The following TSPAN14 variants were observed in gnomAD, a reference collection of about 807,000 sequenced individuals.
TSPAN14 encodes tetraspanin-14.
TSPAN14 carries 16 observed loss-of-function variants against 36.6 expected under a neutral mutation model. The ratio of observed to expected loss-of-function variants is 0.44; its 90% CI spans 0.30 to 0.66. The LOEUF (loss-of-function observed/expected upper bound fraction) is 0.66, where lower values mean the gene tolerates loss of function less well. TSPAN14 is among the 30% of genes least tolerant of loss of function. TSPAN14 has a pLI of 0.12. For synonymous variants in TSPAN14, 139 were observed against 143.8 expected (o/e 0.97, Z 0.24); for missense variants, 231 against 355.1 (o/e 0.65, Z 2.81).
At chr10:80,469,701 A>G (rs1198485567) in intron 1 of TSPAN14, among the ~76,000 whole-genome samples, 3 of 152,078 alleles carry the variant, frequency 2.0e-5, no homozygotes, top group South Asian at 4.1e-4. Flanking sequence ...ACAAGGACAC[A>G]CTTAGTTTTA....
At chr10:80,512,683 TTCTTTCTTTTTC>T (rs1043900822) in intron 6 of TSPAN14, among the ~76,000 whole-genome samples, 11 of 152,168 alleles carry the variant, frequency 7.2e-5, no homozygotes, top group Admixed American at 7.2e-4. Flanking sequence ...GAGAATTATT[TTCTTTCTTTTTC>T]TCTTTCTTTT....
chr10:80,498,564 G>C (rs1848323224), intron 2 of TSPAN14, among the ~76,000 whole-genome samples: 1 of 152,166 alleles, frequency 6.6e-6, no homozygotes. Context: ...GAAAGCACTT[G>C]GTCTTAGGAC....
intron 1 of TSPAN14, among the ~76,000 whole-genome samples, chr10:80,465,934 C>T (rs1846219690): frequency 6.6e-6 from 1 of 152,142 alleles, no homozygotes; most frequent in Non-Finnish European, 1.5e-5. Context: ...TTTTGGGGTA[C>T]AATTTCAGCT....
At chr10:80,475,648 C>T (rs909878725) in intron 1 of TSPAN14, among the ~76,000 whole-genome samples, 9 of 152,128 alleles carry the variant, frequency 5.9e-5, no homozygotes, top group African/African-American at 1.9e-4. Flanking sequence ...AGTGCAGTGG[C>T]GCGATCTTGG....
At chr10:80,516,253 C>T (rs148813770) in exon 8 of TSPAN14, 10 of 1,614,234 alleles carry the variant, frequency 6.2e-6, no homozygotes, top group East Asian at 2.2e-5. Flanking sequence ...TGCATCCAGG[C>T]GCTGGAAAGC....
At chr10:80,510,613 G>A (rs1589299129) in intron 5 of TSPAN14, among the ~76,000 whole-genome samples, 2 of 152,180 alleles carry the variant, frequency 1.3e-5, no homozygotes, top group East Asian at 1.9e-4. Flanking sequence ...GGTGACTCAC[G>A]CCTGTAATCC....
chr10:80,521,013 C>T, exon 9 of TSPAN14: 1 of 355,814 alleles, frequency 2.8e-6, no homozygotes, highest in Non-Finnish European at 5.5e-6. Context: ...CTGCATGGTC[C>T]ACAAGAAGCC....
At chr10:80,472,275 ATTTAAG>A (rs1304335023) in intron 1 of TSPAN14, among the ~76,000 whole-genome samples, 1 of 152,090 alleles carries the variant, frequency 6.6e-6, no homozygotes, top group African/African-American at 2.4e-5. Context: ...ATCTCCCTTA[ATTTAAG>A]TTTGTTTGTT....
chr10:80,460,476 G>A (rs942081283), intron 1 of TSPAN14, among the ~76,000 whole-genome samples: 2 of 152,178 alleles, frequency 1.3e-5, no homozygotes, highest in Admixed American at 6.5e-5. Context: ...AAAGTTTGGT[G>A]AGGGACAGAA....
chr10:80,478,764 G>A (rs1847068858), intron 1 of TSPAN14, among the ~76,000 whole-genome samples: 2 of 152,192 alleles, frequency 1.3e-5, no homozygotes, highest in Admixed American at 6.5e-5. Context: ...AAGGTATCCT[G>A]TAATCCCAGC....
At chr10:80,504,487 C>T (rs1226084008) in intron 2 of TSPAN14, among the ~76,000 whole-genome samples, 3 of 152,214 alleles carry the variant, frequency 2.0e-5, no homozygotes, top group South Asian at 2.1e-4. Flanking sequence ...GGGTGGAGTC[C>T]GCTCTGAGAT....
At chr10:80,458,043 C>A (rs774994212) in intron 1 of TSPAN14, among the ~76,000 whole-genome samples, 7 of 152,194 alleles carry the variant, frequency 4.6e-5, no homozygotes, top group African/African-American at 1.7e-4. Flanking sequence ...TTCCTGCTGC[C>A]TGTCTCTGCC....
exon 9 of TSPAN14, chr10:80,520,586 C>G (rs574264832): frequency 1.9e-6 from 1 of 531,952 alleles, no homozygotes; most frequent in South Asian, 1.4e-5. Context: ...CCCTCCTCAA[C>G]CCTGGTCCAC....
intron 7 of TSPAN14, among the ~76,000 whole-genome samples, chr10:80,514,975 C>T (rs559951403): frequency 1.1e-4 from 16 of 152,186 alleles, no homozygotes; most frequent in Middle Eastern, 3.4e-3. Context: ...GGCCCTCATC[C>T]GACACTGAAT....
At chr10:80,516,146 A>C in intron 7 of TSPAN14, 58 bp from the exon 8 acceptor site, 1 of 1,611,246 alleles carries the variant, frequency 6.2e-7, no homozygotes, top group Non-Finnish European at 8.5e-7. Context: ...TCACTAGGGG[A>C]TCAGGTGGGG....
chr10:80,512,336 C>G (rs1175794947), intron 6 of TSPAN14, 67 bp downstream of exon 6: 1 of 1,588,744 alleles, frequency 6.3e-7, no homozygotes, highest in Non-Finnish European at 8.6e-7. Context: ...TTCCTGACTC[C>G]TCCAGTGCTC....
At chr10:80,511,228 G>A (rs1259423562) in intron 5 of TSPAN14, among the ~76,000 whole-genome samples, 2 of 152,212 alleles carry the variant, frequency 1.3e-5, no homozygotes, top group African/African-American at 2.4e-5. Flanking sequence ...AGCCACACCA[G>A]ATGCGAGGAA....
At chr10:80,476,796 A>G (rs1846941479) in intron 1 of TSPAN14, among the ~76,000 whole-genome samples, 1 of 152,038 alleles carries the variant, frequency 6.6e-6, no homozygotes, top group Non-Finnish European at 1.5e-5. Context: ...CCATGGATAC[A>G]GAACTGTGGT....
intron 1 of TSPAN14, among the ~76,000 whole-genome samples, chr10:80,455,587 C>T (rs946825531): frequency 5.3e-5 from 8 of 152,122 alleles, no homozygotes; most frequent in Non-Finnish European, 1.0e-4. Context: ...GCTCCGGCCA[C>T]CCTTCTCTAT....
Sources: allele counts gnomAD v4.1 joint callset (sites outside exome capture counted in the v4.1 genomes callset), GRCh38; gene constraint gnomAD v4.1.1; transcripts MANE v1.5; gene names NCBI Gene and HGNC (gene_info 2026-07-23, HGNC 2026-07-21).